SMAD6: variants seen among roughly 807,000 people sequenced by gnomAD.
SMAD6 encodes the protein MAD homolog 6.
In SMAD6, 103 loss-of-function variants were observed where a neutral mutation model predicts 39.4. That is an observed-to-expected ratio of 2.62 (90% CI 2.23 to 3.08). The LOEUF is 3.08. Among genes scored for constraint, SMAD6 ranks in the 30% most tolerant of loss-of-function variants. The pLI is 0.00. For missense variants in SMAD6, 1,104 were observed against 742.9 expected (o/e 1.49, Z -5.65); for synonymous variants, 445 against 353.3 (o/e 1.26, Z -2.91).
intron 1 of SMAD6, chr15:66,705,339 G>A (rs1162320813): frequency 6.6e-6 from 1 of 152,198 alleles, no homozygotes; most frequent in East Asian, 1.9e-4. Flanking sequence ...GGGGGCAGGT[G>A]GGGAGGGGAA....
Position 66,703,928 on chromosome 15 carries a change from C to A in SMAD6, c.670C>A (p.Leu224Met). The A allele has an allele frequency of 7.5e-7, 1 of 1,340,694 alleles. No individual in the cohort carries two copies. The highest frequency in any genetic ancestry group is 2.0e-5 in the South Asian group (1 of 51,272). The allele number at this position is 1,340,694 out of a possible 1,614,324, so 83.0% of individuals were successfully genotyped here. Reference protein sequence around the residue: ...RLGGQPAPPQLLLGRLFRWPD... With the variant: ...RLGGQPAPPQMLLGRLFRWPD... ...GGGCGGCCAGCCCGCGCCGCCGCAG[C>A]TGCTGCTCGGCCGCCTCTTTCGCTG... The change falls in exon 1 of 4, where the codon CTG (leucine) becomes ATG (methionine). Residue 224 changes from leucine to methionine, a missense_variant. Transcript: ENST00000288840.
intron 3 of SMAD6, among the ~76,000 whole-genome samples, chr15:66,746,136 T>C (rs1893903978): frequency 6.6e-6 from 1 of 152,166 alleles, no homozygotes; most frequent in African/African-American, 2.4e-5. Context: ...CCACCCCTTC[T>C]GGAGCTTCCC....
chr15:66,707,175 G>A (rs1893131560), intron 1 of SMAD6: 1 of 152,242 alleles, frequency 6.6e-6, no homozygotes, highest in South Asian at 2.1e-4. Flanking sequence ...CGGAAATGTG[G>A]AGAAATACTT....
chr15:66,751,466 A>G (rs940071797), intron 3 of SMAD6, among the ~76,000 whole-genome samples: 1 of 152,168 alleles, frequency 6.6e-6, no homozygotes, highest in African/African-American at 2.4e-5. Flanking sequence ...TGGACCTCCC[A>G]TCAGGCTGTG....
chr15:66,780,915 A>G, intron 3 of SMAD6, 82 bp from the exon 4 acceptor site: 2 of 1,366,050 alleles, frequency 1.5e-6, no homozygotes, highest in South Asian at 1.4e-5. Context: ...CACTGTGCAG[A>G]CAGCAGTGCC....
chr15:66,709,971 T>G (rs62005625), intron 1 of SMAD6, among the ~76,000 whole-genome samples: 21,247 of 152,212 alleles, frequency 0.14, 1,542 homozygotes, highest in South Asian at 0.15. Flanking sequence ...ATCCCAGTTG[T>G]CTGTGTCCAC....
Position 66,780,236 on chromosome 15 carries a change from A to G in SMAD6, c.953-761A>G, listed in dbSNP as rs140380706. Among the ~76,000 whole-genome samples the G allele has an allele frequency of 1.4e-3, 214 of 152,270 alleles. 1 individual carries two copies. The highest frequency in any genetic ancestry group is 5.0e-3 in the African/African-American group (207 of 41,534). ...ACAAACCTGCATTTCCTGCCAAGAA[A>G]GCCAACTCAGGTGGGCGGTACCAGG... On this transcript the variant is annotated intron_variant, in intron 3 of 3. Transcript: ENST00000288840.
intron 1 of SMAD6, chr15:66,708,268 A>G (rs1358975390): frequency 6.5e-6 from 1 of 154,450 alleles, no homozygotes; most frequent in African/African-American, 2.4e-5. Flanking sequence ...TAAAACTTTT[A>G]AAAGTACTAA....
At chr15:66,780,324 T>G (rs2140680178) in intron 3 of SMAD6, among the ~76,000 whole-genome samples, 1 of 152,174 alleles carries the variant, frequency 6.6e-6, no homozygotes, top group East Asian at 1.9e-4. Context: ...ACCACAGGAA[T>G]CCCACTGCTC....
chr15:66,771,517 G>A (rs908419200), intron 3 of SMAD6, among the ~76,000 whole-genome samples: 3 of 152,160 alleles, frequency 2.0e-5, no homozygotes. Context: ...GCCTCCAGAG[G>A]GCTGGGTACA....
chr15:66,734,417 G>A (rs759273700), intron 3 of SMAD6, among the ~76,000 whole-genome samples: 7 of 152,146 alleles, frequency 4.6e-5, no homozygotes, highest in South Asian at 2.1e-4. Context: ...CAGACAGCTC[G>A]GGAAACTGAA....
chr15:66,734,934 GTT>G (rs1451931656), intron 3 of SMAD6, among the ~76,000 whole-genome samples: 3 of 152,242 alleles, frequency 2.0e-5, no homozygotes, highest in African/African-American at 7.2e-5. Flanking sequence ...GCCGTAGCAG[GTT>G]CCATGGCATG....
Position 66,781,835 on chromosome 15 carries a change from C to A in SMAD6, c.*300C>A. ...ACAGATATATTTTCTTTCTCTTCCTCCTTCCTCTTCCTTACTTTTTATATA... is the reference window on the plus strand; with the variant it reads ...ACAGATATATTTTCTTTCTCTTCCTACTTCCTCTTCCTTACTTTTTATATA... On this transcript the variant is annotated 3_prime_UTR_variant, in exon 4 of 4. Transcript: ENST00000288840. 1 of 398,764 alleles carries A rather than the reference C, an allele frequency of 2.5e-6. No individual in the cohort carries two copies. Among genetic ancestry groups the A allele is most frequent in the Non-Finnish European group, 4.4e-6 (1 of 226,052 alleles). The allele number at this position is 398,764 out of a possible 1,614,324, so 24.7% of individuals were successfully genotyped here.
rs896680148 is a variant in SMAD6, at chr15:66,771,027, C to T, written c.953-9970C>T. 7.2e-5 allele frequency among the ~76,000 whole-genome samples: 11 copies of T among 152,268 alleles called. No homozygotes were observed. The East Asian group carries it at 1.2e-3, about 16-fold the overall frequency. On this transcript the variant is annotated intron_variant, in intron 3 of 3. Transcript: ENST00000288840. ...GAAGGGAGCTTGTACCACAGAGCCCCGGGACCTGGAGAGAAAAGCCATGCT... is the reference window on the plus strand; with the variant it reads ...GAAGGGAGCTTGTACCACAGAGCCCTGGGACCTGGAGAGAAAAGCCATGCT...
chr15:66,731,229 G>A (rs1397722235), intron 3 of SMAD6, among the ~76,000 whole-genome samples: 13 of 151,848 alleles, frequency 8.6e-5, no homozygotes, highest in Non-Finnish European at 1.5e-5. Context: ...ACGAGGTCAG[G>A]AGATCGAGAC....
chr15:66,747,933 T>C lies in SMAD6; in HGVS notation c.952+31435T>C, dbSNP rs1386166460. On this transcript the variant is annotated intron_variant, in intron 3 of 3. Coordinates refer to ENST00000288840, the MANE Select transcript of SMAD6 (RefSeq NM_005585.5). The surrounding 1 kb of genome is among the most constrained non-coding windows in gnomAD (Gnocchi z 4.5). ...CTGAGAGCCCTTTGCACCCCACTTC[T>C]CTTTCTCCGGCATGAGGCAGTGGCT... Among the ~76,000 whole-genome samples the C allele has an allele frequency of 6.6e-6, 1 of 152,116 alleles. No individual in the cohort carries two copies. The highest frequency in any genetic ancestry group is 2.4e-5 in the African/African-American group (1 of 41,428).
intron 3 of SMAD6, among the ~76,000 whole-genome samples, chr15:66,721,306 C>T (rs149255001): frequency 1.3e-5 from 2 of 152,296 alleles, no homozygotes; most frequent in African/African-American, 2.4e-5. Flanking sequence ...CTGGTGTTAT[C>T]GTCAGTGCCT....
chr15:66,757,457 G>A (rs1462962483), intron 3 of SMAD6, among the ~76,000 whole-genome samples: 1 of 152,238 alleles, frequency 6.6e-6, no homozygotes, highest in African/African-American at 2.4e-5. Flanking sequence ...GCCCAGGGGA[G>A]TGAGCAGAGG....
Position 66,747,666 on chromosome 15 carries a change from T to C in SMAD6, c.952+31168T>C, listed in dbSNP as rs1344039796. 1.3e-5 allele frequency among the ~76,000 whole-genome samples: 2 copies of C among 152,210 alleles called. No individual in the cohort carries two copies. Among genetic ancestry groups the C allele is most frequent in the African/African-American group, 2.4e-5 (1 of 41,448 alleles). On this transcript the variant is annotated intron_variant, in intron 3 of 3. Coordinates refer to ENST00000288840, the MANE Select transcript of SMAD6 (RefSeq NM_005585.5). The surrounding 1 kb of genome is among the most constrained non-coding windows in gnomAD (Gnocchi z 4.5). ...GACTCCACGGTTTCCCCCTTAGTCA[T>C]ACCTACCTAGGATAATTGGAAAATG...
Sources: gnomAD v4.1 joint callset for allele counts (sites outside exome capture counted in the v4.1 genomes callset) on GRCh38, gnomAD v4.1.1 for gene constraint, Gnocchi (gnomAD v3.1) non-coding constraint, MANE v1.5 for transcripts, NCBI Gene and HGNC (gene_info 2026-07-23, HGNC 2026-07-21) for gene names.